Variants in GLG1 observed in about 807,000 individuals in gnomAD.
GLG1 encodes golgi glycoprotein 1.
A neutral mutation model predicts 160.5 loss-of-function variants in GLG1; 38 were observed. The ratio of observed to expected loss-of-function variants is 0.24; its 90% CI spans 0.18 to 0.31. The LOEUF (loss-of-function observed/expected upper bound fraction) is 0.31, where lower values mean the gene tolerates loss of function less well. Among genes scored for constraint, GLG1 ranks in the 10% least tolerant of loss-of-function variants. The pLI is 1.00. For synonymous variants in GLG1, 644 were observed against 543.4 expected, an observed-to-expected ratio of 1.19 and a Z score of -2.57; for missense variants, 1,373 against 1,505.2, an observed-to-expected ratio of 0.91 and a Z score of 1.45.
chr16:74,537,981 T>C (rs2143636018), intron 1 of GLG1, among the ~76,000 whole-genome samples: 1 of 152,196 alleles, frequency 6.6e-6, no homozygotes, highest in Non-Finnish European at 1.5e-5. Flanking sequence ...ATTAAAGGAT[T>C]CATAAAGCTA....
At position 74,457,899 on chromosome 16, in the gene GLG1, T is replaced by C. The variant is rs758328299; in HGVS notation, c.3240A>G (p.Ala1080=). ...GACGCCCGCGGCCAGGGGTGATGGCTGCGCAGTGGTGTTTAATGTCCAGGG... is the reference window on the plus strand; with the variant it reads ...GACGCCCGCGGCCAGGGGTGATGGCCGCGCAGTGGTGTTTAATGTCCAGGG... ...ACALDIKHHC[A]AITPGRGRQM... is the part of the protein sequence containing the mutation. The change falls in exon 24 of 26, where the codon GCA becomes GCG. Residue 1080 remains alanine, a synonymous_variant. Transcript: ENST00000422840. 6.2e-7 allele frequency: 1 copy of C among 1,613,876 alleles called. No individual in the cohort carries two copies. Among genetic ancestry groups the C allele is most frequent in the Non-Finnish European group, 8.5e-7 (1 of 1,179,784 alleles).
rs915000212 is a variant in GLG1, at chr16:74,452,260, G to A, written c.*907C>T. On this transcript the variant is annotated 3_prime_UTR_variant, in exon 26 of 26. Coordinates refer to ENST00000422840, the MANE Select transcript of GLG1 (RefSeq NM_001145667.2). ...TGATGAAGCGCAGAGCTTCCAGAGTGACTGTAGCCTCAGCAGGGCCGGTCC... is the reference window on the plus strand; with the variant it reads ...TGATGAAGCGCAGAGCTTCCAGAGTAACTGTAGCCTCAGCAGGGCCGGTCC... 2.0e-6 allele frequency: 3 copies of A among 1,494,070 alleles called. No homozygotes were observed. The highest frequency in any genetic ancestry group is 2.7e-6 in the Non-Finnish European group (3 of 1,122,134). 92.6% of individuals were successfully genotyped at this position (1,494,070 alleles called of 1,614,324 possible).
chr16:74,500,275 T>G lies in GLG1; in HGVS notation c.774+3256A>C, dbSNP rs556200172. 1.2e-3 allele frequency among the ~76,000 whole-genome samples: 176 copies of G among 152,234 alleles called. 1 individual carries two copies. Among genetic ancestry groups the G allele is most frequent in the Non-Finnish European group, 1.9e-3 (130 of 68,008 alleles). On this transcript the variant is annotated intron_variant, in intron 4 of 25. Coordinates refer to ENST00000422840, the MANE Select transcript of GLG1 (RefSeq NM_001145667.2). ...AGCTCATTTAGGTTTAAAAAGTTAT[T>G]AATACACAGGCTTGGCATATGAGTA...
At chr16:74,480,845 C>T (rs1202567302) in intron 10 of GLG1, among the ~76,000 whole-genome samples, 1 of 152,160 alleles carries the variant, frequency 6.6e-6, no homozygotes, top group East Asian at 1.9e-4. Context: ...AGGCACTGCA[C>T]CCAGCCGTGA....
intron 8 of GLG1, among the ~76,000 whole-genome samples, chr16:74,490,187 A>G (rs929396466): frequency 1.3e-5 from 2 of 152,224 alleles, no homozygotes; most frequent in Admixed American, 1.3e-4. Context: ...AGTAATCAAC[A>G]TGGACAACAG....
intron 4 of GLG1, among the ~76,000 whole-genome samples, chr16:74,497,702 G>A (rs2016250505): frequency 1.3e-5 from 2 of 152,272 alleles, no homozygotes; most frequent in South Asian, 4.1e-4. Flanking sequence ...CTCCCAAAGT[G>A]CTGGGATTAC....
intron 2 of GLG1, among the ~76,000 whole-genome samples, chr16:74,509,866 T>A (rs1162581121): frequency 2.7e-5 from 4 of 149,274 alleles, no homozygotes; most frequent in Non-Finnish European, 3.0e-5. Context: ...AAAAAAAAAA[T>A]TTGTAGAGAT....
At chr16:74,577,236 T>C (rs1250141623) in intron 1 of GLG1, among the ~76,000 whole-genome samples, 4 of 150,548 alleles carry the variant, frequency 2.7e-5, no homozygotes, top group Non-Finnish European at 5.9e-5. Context: ...AAATAGACAT[T>C]GAGGACTGGG....
chr16:74,478,013 T>TAAATAAATAAAA (rs548461001), intron 11 of GLG1, among the ~76,000 whole-genome samples: 10,944 of 150,172 alleles, frequency 0.073, 585 homozygotes, highest in East Asian at 0.23. Flanking sequence ...AATAAATAAA[T>TAAATAAATAAAA]AAAATGTGCA....
chr16:74,499,129 T>C (rs1306869284), intron 4 of GLG1, among the ~76,000 whole-genome samples: 5 of 152,224 alleles, frequency 3.3e-5, no homozygotes, highest in African/African-American at 9.6e-5. Context: ...ATTTGAGTTG[T>C]AGAACATGAA....
intron 1 of GLG1, chr16:74,552,696 T>C: frequency 1.2e-5 from 2 of 168,454 alleles, no homozygotes; most frequent in South Asian, 1.5e-4. Flanking sequence ...AGCAACCAAA[T>C]TCCAGTTTAG....
At chr16:74,566,933 G>C (rs529170660) in intron 1 of GLG1, among the ~76,000 whole-genome samples, 10 of 152,206 alleles carry the variant, frequency 6.6e-5, no homozygotes, top group African/African-American at 2.2e-4. Flanking sequence ...ATATTGCTAA[G>C]ATGTGAATGA....
intron 1 of GLG1, among the ~76,000 whole-genome samples, chr16:74,536,581 G>C (rs2017693446): frequency 6.6e-6 from 1 of 152,310 alleles, no homozygotes; most frequent in Non-Finnish European, 1.5e-5. Flanking sequence ...AATTAGAAGA[G>C]TGATCTCCAA....
intron 1 of GLG1, among the ~76,000 whole-genome samples, chr16:74,600,763 A>C (rs1168185094): frequency 2.0e-5 from 3 of 151,778 alleles, no homozygotes; most frequent in Non-Finnish European, 4.4e-5. Context: ...AACAAAAAAA[A>C]ACAGTGACAG....
chr16:74,590,100 C>T (rs1958139101), intron 1 of GLG1, among the ~76,000 whole-genome samples: 1 of 151,924 alleles, frequency 6.6e-6, no homozygotes, highest in South Asian at 2.1e-4. Flanking sequence ...AGGGTTCATG[C>T]CATTCTCCTG....
intron 3 of GLG1, among the ~76,000 whole-genome samples, chr16:74,505,228 C>A (rs1456835021): frequency 2.0e-5 from 3 of 152,316 alleles, no homozygotes; most frequent in Non-Finnish European, 4.4e-5. Flanking sequence ...TTGTCTTCAC[C>A]TCTAACTCCA....
intron 3 of GLG1, among the ~76,000 whole-genome samples, chr16:74,505,174 G>C (rs1005171807): frequency 6.6e-6 from 1 of 152,128 alleles, no homozygotes. Flanking sequence ...AAAAGGTGCT[G>C]GATGAAGGAC....
intron 7 of GLG1, among the ~76,000 whole-genome samples, chr16:74,492,356 ACT>A (rs1436508613): frequency 7.1e-6 from 1 of 141,254 alleles, no homozygotes; most frequent in Non-Finnish European, 1.5e-5. Context: ...ACAAAGCGAG[ACT>A]CTGTCTCAAA....
rs1394009884 is a variant in GLG1, at chr16:74,554,392, G to T, written c.439-22239C>A. 2.0e-5 allele frequency among the ~76,000 whole-genome samples: 3 copies of T among 152,332 alleles called. No homozygotes were observed. In the East Asian group the frequency reaches 5.8e-4, roughly 29 times the overall value. On this transcript the variant is annotated intron_variant, in intron 1 of 25. Transcript: ENST00000422840. ...CTACTAAAAATACAAAAATTAGCTA[G>T]GCGCGGTGGTGGGCGCCTGTAACCC...
Sources: gnomAD v4.1 joint callset for allele counts (sites outside exome capture counted in the v4.1 genomes callset) on GRCh38, gnomAD v4.1.1 for gene constraint, MANE v1.5 for transcripts, NCBI Gene and HGNC (gene_info 2026-07-23, HGNC 2026-07-21) for gene names.